STS: variants seen among roughly 807,000 people sequenced by gnomAD.
STS encodes the protein steroid sulfatase.
STS carries 7 observed loss-of-function variants against 26.8 expected under a neutral mutation model. The ratio of observed to expected loss-of-function variants is 0.26; its 90% CI spans 0.15 to 0.49. The LOEUF (loss-of-function observed/expected upper bound fraction) is 0.49, where lower values mean the gene tolerates loss of function less well. STS is among the 20% of genes least tolerant of loss of function. The probability of loss-of-function intolerance (pLI) is 0.98; values close to 1 mark genes in which losing one functional copy is unlikely to be tolerated. For synonymous variants in STS, 199 were observed against 189.4 expected, an observed-to-expected ratio of 1.05 and a Z score of -0.42; for missense variants, 434 against 465.6, an observed-to-expected ratio of 0.93 and a Z score of 0.63.
intron 7 of STS, among the ~76,000 whole-genome samples, chrX:7,297,229 G>C (rs1925707320): frequency 9.2e-6 from 1 of 108,950 alleles, no homozygotes; most frequent in South Asian, 4.0e-4. Context: ...GTGGTTCTTG[G>C]GCAGGTACCA....
At position 7,350,439 on chromosome X, in the gene STS, A is replaced by G; in HGVS notation, c.*178A>G. On this transcript the variant is annotated 3_prime_UTR_variant, in exon 11 of 11. Coordinates refer to ENST00000674429, the MANE Select transcript of STS (RefSeq NM_001320752.2). ...CAACAGCTACTCAACTGGAGGGGTG[A>G]GGGGGATAAGGTCTGTAGTATACAG... 1 of 594,463 alleles carries G rather than the reference A, an allele frequency of 1.7e-6. No individual in the cohort carries two copies. Among genetic ancestry groups the G allele is most frequent in the Non-Finnish European group, 2.6e-6 (1 of 382,609 alleles). The allele number at this position is 594,463 out of a possible 1,213,427, so 49.0% of individuals were successfully genotyped here.
At chrX:7,233,095 T>C (rs1230366622) in intron 2 of STS, among the ~76,000 whole-genome samples, 4 of 94,539 alleles carry the variant, frequency 4.2e-5, no homozygotes, top group African/African-American at 1.5e-4. Context: ...TTTTTTCTTT[T>C]TTTTTTTTTT....
intron 7 of STS, among the ~76,000 whole-genome samples, chrX:7,286,749 A>T (rs762506229): frequency 3.6e-5 from 4 of 111,846 alleles, no homozygotes; most frequent in Non-Finnish European, 7.5e-5. Context: ...CGCCAGTTAC[A>T]TGCTTGACTG....
At chrX:7,153,453 C>G (rs1933063150) in intron 1 of STS, among the ~76,000 whole-genome samples, 1 of 99,826 alleles carries the variant, frequency 1.0e-5, no homozygotes, top group South Asian at 5.3e-4. Context: ...CTCTCCTTCC[C>G]TCCCTTCCTT....
intron 2 of STS, among the ~76,000 whole-genome samples, chrX:7,241,283 G>A (rs1193580423): frequency 8.9e-6 from 1 of 111,775 alleles, no homozygotes; most frequent in Non-Finnish European, 1.9e-5. Context: ...ATCAATTTTT[G>A]TGTACAAAAA....
rs762261009 is a variant in STS at position 7,148,168 on chromosome X, C to T, written c.-134+85C>T. The T allele has an allele frequency of 7.5e-4, 663 of 886,251 alleles. 5 individuals are homozygous for T. Among genetic ancestry groups the T allele is most frequent in the Non-Finnish European group, 1.5e-4 (96 of 647,759 alleles). 73.0% of individuals were successfully genotyped at this position (886,251 alleles called of 1,213,427 possible). Reference sequence around the variant, plus strand: ...GAGGAGGAAGTGCGCGCGCACCCGCCCGCCCCGCGCACGCGCACTGAGGAC... The same window carrying T: ...GAGGAGGAAGTGCGCGCGCACCCGCTCGCCCCGCGCACGCGCACTGAGGAC... On this transcript the variant is annotated intron_variant, in intron 1 of 10. Transcript: ENST00000674429.
At chrX:7,197,925 GA>G (rs1358548006) in intron 2 of STS, among the ~76,000 whole-genome samples, 2 of 111,521 alleles carry the variant, frequency 1.8e-5, no homozygotes, top group Non-Finnish European at 3.8e-5. Context: ...ATACATGGAT[GA>G]AAAAAATAGT....
intron 10 of STS, among the ~76,000 whole-genome samples, chrX:7,341,384 C>T (rs1359911233): frequency 3.6e-5 from 4 of 111,469 alleles, no homozygotes; most frequent in African/African-American, 6.5e-5. Context: ...TCTCATACTC[C>T]TTCCACTGGC....
At position 7,331,805 on chromosome X, in the gene STS, G is replaced by A. The variant is rs143204466; in HGVS notation, c.1242-2181G>A. On this transcript the variant is annotated intron_variant, in intron 9 of 10. Transcript: ENST00000674429. ...GCTTCCTTTGACAGACCATATTTCT[G>A]CAGCACTGTTAAATGGTGGCTTTCC... Among the ~76,000 whole-genome samples the A allele has an allele frequency of 1.1e-4, 12 of 106,969 alleles. No homozygotes were observed. The Admixed American group carries it at 1.1e-3, about 10-fold the overall frequency. 92.9% of individuals were successfully genotyped at this position (106,969 alleles called of 115,157 possible).
chrX:7,166,092 C>T (rs1480769599), intron 1 of STS, among the ~76,000 whole-genome samples: 1 of 107,579 alleles, frequency 9.3e-6, no homozygotes, highest in African/African-American at 3.4e-5. Context: ...GCTGCACCCT[C>T]AACCTCCCAG....
intron 2 of STS, among the ~76,000 whole-genome samples, chrX:7,226,861 C>A (rs1921830328): frequency 8.9e-6 from 1 of 112,186 alleles, no homozygotes; most frequent in Non-Finnish European, 1.9e-5. Flanking sequence ...TGCTACTGCA[C>A]TCCAGCCTGG....
At chrX:7,164,223 AC>A (rs1933304973) in intron 1 of STS, among the ~76,000 whole-genome samples, 1 of 111,720 alleles carries the variant, frequency 9.0e-6, no homozygotes, top group Non-Finnish European at 1.9e-5. Flanking sequence ...ACCTTATAAA[AC>A]CCAAAACATT....
chrX:7,211,378 C>G (rs1347099942), intron 2 of STS, among the ~76,000 whole-genome samples: 2 of 111,555 alleles, frequency 1.8e-5, no homozygotes, highest in African/African-American at 6.5e-5. Flanking sequence ...GTTGGTAGAA[C>G]TCAGTTCCTT....
intron 2 of STS, among the ~76,000 whole-genome samples, chrX:7,208,080 T>G (rs1193515911): frequency 8.9e-6 from 1 of 112,413 alleles, no homozygotes; most frequent in Non-Finnish European, 1.9e-5. Context: ...AATCCAACAT[T>G]TGCTTCACAT....
intron 10 of STS, among the ~76,000 whole-genome samples, chrX:7,339,025 C>T (rs541864080): frequency 1.8e-5 from 2 of 111,864 alleles, no homozygotes; most frequent in African/African-American, 3.2e-5. Flanking sequence ...ACCAGCTTAC[C>T]GTGGTAACAT....
chrX:7,180,623 T>C (rs760412189), intron 1 of STS, among the ~76,000 whole-genome samples: 1 of 111,607 alleles, frequency 9.0e-6, no homozygotes, highest in South Asian at 3.8e-4. Flanking sequence ...TCTCCAAAGC[T>C]CGCAGGCAAA....
intron 6 of STS, among the ~76,000 whole-genome samples, chrX:7,264,897 C>T (rs1401137494): frequency 9.0e-6 from 1 of 111,089 alleles, no homozygotes; most frequent in Non-Finnish European, 1.9e-5. Context: ...TTATAAGATA[C>T]ATCATTCAGT....
chrX:7,217,856 A>AT (rs1484262174), intron 2 of STS, among the ~76,000 whole-genome samples: 2 of 111,833 alleles, frequency 1.8e-5, no homozygotes, highest in Non-Finnish European at 3.8e-5. Context: ...AACATAAAAC[A>AT]TTAACATTTG....
At chrX:7,271,986 T>C (rs180970840) in intron 6 of STS, among the ~76,000 whole-genome samples, 4 of 109,826 alleles carry the variant, frequency 3.6e-5, no homozygotes, top group African/African-American at 9.9e-5. Context: ...TTAATAAATG[T>C]AAGAACTGAA....
Sources: gnomAD v4.1 joint callset for allele counts (sites outside exome capture counted in the v4.1 genomes callset) on GRCh38, gnomAD v4.1.1 for gene constraint, MANE v1.5 for transcripts, NCBI Gene and HGNC (gene_info 2026-07-23, HGNC 2026-07-21) for gene names.